The following ANGPT1 variants were observed in gnomAD, a reference collection of about 807,000 sequenced individuals.
ANGPT1 encodes angiopoietin 1.
ANGPT1 carries 17 observed loss-of-function variants against 62.2 expected under a neutral mutation model. The ratio of observed to expected loss-of-function variants is 0.27; its 90% CI spans 0.19 to 0.41. The LOEUF (loss-of-function observed/expected upper bound fraction) is 0.41. Among genes scored for constraint, ANGPT1 ranks in the 10% least tolerant of loss-of-function variants. The pLI is 1.00. For missense variants in ANGPT1, 478 were observed against 594.9 expected, an observed-to-expected ratio of 0.80 and a Z score of 2.04; for synonymous variants, 199 against 198.9, an observed-to-expected ratio of 1.00 and a Z score of 0.00.
At chr8:107,289,241 A>G (rs963830068) in intron 6 of ANGPT1, among the ~76,000 whole-genome samples, 1 of 152,182 alleles carries the variant, frequency 6.6e-6, no homozygotes, top group Non-Finnish European at 1.5e-5. Context: ...AAAGGCACAT[A>G]TTACTCAAAA....
At chr8:107,424,765 A>G (rs1810992835) in intron 1 of ANGPT1, among the ~76,000 whole-genome samples, 1 of 152,230 alleles carries the variant, frequency 6.6e-6, no homozygotes, top group South Asian at 2.1e-4. Flanking sequence ...GAATCATAAT[A>G]TTTCTCAGAA....
At chr8:107,336,770 A>G (rs1815579118) in intron 2 of ANGPT1, among the ~76,000 whole-genome samples, 2 of 151,944 alleles carry the variant, frequency 1.3e-5, no homozygotes, top group South Asian at 4.1e-4. Context: ...TGAAATTGCA[A>G]TTGAACAAAC....
chr8:107,257,870 G>GTTTTTTTTTTTTTTTTTTTTTTTTTT (rs750634420), intron 8 of ANGPT1, among the ~76,000 whole-genome samples: 9 of 45,242 alleles, frequency 2.0e-4, no homozygotes, highest in Admixed American at 2.5e-4. Context: ...CCAAGGACTT[G>GTTTTTTTTTTTTTTTTTTTTTTTTTT]TTTTTGTTTC....
intron 1 of ANGPT1, among the ~76,000 whole-genome samples, chr8:107,430,651 T>C (rs1811160455): frequency 6.6e-6 from 1 of 151,308 alleles, no homozygotes; most frequent in Admixed American, 6.6e-5. Context: ...AAAGCAGGAG[T>C]AGTAAAAGAT....
At chr8:107,381,070 G>GT (rs1816627414) in intron 1 of ANGPT1, among the ~76,000 whole-genome samples, 1 of 152,186 alleles carries the variant, frequency 6.6e-6, no homozygotes, top group African/African-American at 2.4e-5. Flanking sequence ...TTTCTTTAGT[G>GT]TTTTAACTCC....
intron 1 of ANGPT1, among the ~76,000 whole-genome samples, chr8:107,452,673 A>T (rs1304035552): frequency 6.6e-6 from 1 of 151,952 alleles, no homozygotes. Flanking sequence ...CTTAAATTTT[A>T]AAAAATACTT....
intron 1 of ANGPT1, among the ~76,000 whole-genome samples, chr8:107,461,232 C>A (rs1812063124): frequency 6.6e-6 from 1 of 152,042 alleles, no homozygotes. Context: ...TACTTAGGAG[C>A]ATTTCACTTT....
chr8:107,255,220 C>T (rs1813330572), intron 8 of ANGPT1, among the ~76,000 whole-genome samples: 1 of 152,124 alleles, frequency 6.6e-6, no homozygotes, highest in African/African-American at 2.4e-5. Context: ...GACCACAAAG[C>T]TCACTCATTC....
intron 1 of ANGPT1, among the ~76,000 whole-genome samples, chr8:107,423,156 A>G (rs1319316106): frequency 6.6e-6 from 1 of 152,218 alleles, no homozygotes; most frequent in East Asian, 1.9e-4. Context: ...TGGCCATGGT[A>G]GGAGTATTTA....
At chr8:107,329,292 G>A (rs895575710) in intron 3 of ANGPT1, among the ~76,000 whole-genome samples, 5 of 152,014 alleles carry the variant, frequency 3.3e-5, no homozygotes, top group Non-Finnish European at 5.9e-5. Flanking sequence ...TGGTGTAGGG[G>A]TGTGGAATTA....
At chr8:107,301,291 T>A (rs1045368391) in intron 5 of ANGPT1, among the ~76,000 whole-genome samples, 13 of 151,990 alleles carry the variant, frequency 8.6e-5, no homozygotes, top group Non-Finnish European at 1.8e-4. Flanking sequence ...ATTTTTATAG[T>A]CAGATTATAA....
chr8:107,387,431 C>A (rs1036075956), intron 1 of ANGPT1, among the ~76,000 whole-genome samples: 4 of 152,002 alleles, frequency 2.6e-5, no homozygotes, highest in Non-Finnish European at 5.9e-5. Context: ...GTGTGCACTG[C>A]AAAATCCCTG....
intron 1 of ANGPT1, among the ~76,000 whole-genome samples, chr8:107,405,305 TTC>T (rs1817126831): frequency 6.6e-6 from 1 of 151,954 alleles, no homozygotes; most frequent in South Asian, 2.1e-4. Flanking sequence ...ATTTTTAATA[TTC>T]TTTTTCTCCT....
At chr8:107,356,563 A>G (rs1011422511) in intron 1 of ANGPT1, among the ~76,000 whole-genome samples, 2 of 152,212 alleles carry the variant, frequency 1.3e-5, no homozygotes, top group African/African-American at 4.8e-5. Flanking sequence ...AAAAAAAAAT[A>G]GCCTTATGGC....
At chr8:107,384,229 A>C (rs1184991751) in intron 1 of ANGPT1, among the ~76,000 whole-genome samples, 1 of 152,070 alleles carries the variant, frequency 6.6e-6, no homozygotes, top group Non-Finnish European at 1.5e-5. Context: ...AAAAAATGCC[A>C]AGGTTGGCAT....
intron 2 of ANGPT1, 49 bp downstream of exon 2, chr8:107,346,893 A>C: frequency 6.5e-7 from 1 of 1,534,468 alleles, no homozygotes; most frequent in South Asian, 1.3e-5. Context: ...GCTAAAGAAA[A>C]AAAAAATTTT....
chr8:107,495,043 C>T (rs969260820), intron 1 of ANGPT1: 1 of 152,134 alleles, frequency 6.6e-6, no homozygotes, highest in Non-Finnish European at 1.5e-5. Flanking sequence ...AAAAGATTTC[C>T]ATTTCAATTA....
At chr8:107,318,212 A>G (rs1166136733) in intron 4 of ANGPT1, among the ~76,000 whole-genome samples, 1 of 152,210 alleles carries the variant, frequency 6.6e-6, no homozygotes, top group Non-Finnish European at 1.5e-5. Flanking sequence ...GAAGCCTTAC[A>G]AAGTGGATGC....
At chr8:107,464,569 A>T (rs1017754886) in intron 1 of ANGPT1, among the ~76,000 whole-genome samples, 1 of 152,108 alleles carries the variant, frequency 6.6e-6, no homozygotes, top group Admixed American at 6.6e-5. Flanking sequence ...CGGATCTAGA[A>T]AAATAGCATA....
Sources: gnomAD v4.1 joint callset for allele counts (sites outside exome capture counted in the v4.1 genomes callset) on GRCh38, gnomAD v4.1.1 for gene constraint, MANE v1.5 for transcripts, NCBI Gene and HGNC (gene_info 2026-07-23, HGNC 2026-07-21) for gene names.